Variants in THBD observed in about 807,000 individuals in gnomAD.
THBD encodes CD141 antigen.
For synonymous variants in THBD, 449 were observed against 374.2 expected, an observed-to-expected ratio of 1.20 and a Z score of -2.31; for missense variants, 850 against 816.9, an observed-to-expected ratio of 1.04 and a Z score of -0.49.
In THBD at chr20:23,047,552, C is replaced by T. The variant is rs1018980192; in HGVS notation, c.*225G>A. 5 of 604,148 alleles carry T rather than the reference C, an allele frequency of 8.3e-6. No individual in the cohort carries two copies. The highest frequency in any genetic ancestry group is 1.4e-5 in the Non-Finnish European group (5 of 346,412). 37.4% of individuals were successfully genotyped at this position (604,148 alleles called of 1,614,324 possible). A position where few individuals can be genotyped will look rare whatever the true frequency, so the allele number is the denominator to read the frequency against. On this transcript the variant is annotated 3_prime_UTR_variant, in exon 1 of 1. Coordinates refer to ENST00000377103, the MANE Select transcript of THBD (RefSeq NM_000361.3). Reference sequence around the variant, plus strand: ...AGTCTGTGTCTTCGTTACAAAATTGCCATCATTGCCCAGTGGTCCAGTGAC... The same window carrying T: ...AGTCTGTGTCTTCGTTACAAAATTGTCATCATTGCCCAGTGGTCCAGTGAC...
In THBD at chr20:23,047,665, T is replaced by C; in HGVS notation, c.*112A>G. 1 of 1,311,374 alleles carries C rather than the reference T, an allele frequency of 7.6e-7. No individual in the cohort carries two copies. The allele number at this position is 1,311,374 out of a possible 1,614,324, so 81.2% of individuals were successfully genotyped here. On this transcript the variant is annotated 3_prime_UTR_variant, in exon 1 of 1. Transcript: ENST00000377103. ...GAATAGAAGAAAACAGCTTGGGGGG[T>C]GCGGGGAGGGTCTTCTCCAGCTGTA... is the stretch of plus-strand genomic sequence containing the variant.
rs1212319549 is a variant in THBD at position 23,046,120 on chromosome 20, G to A, written c.*1657C>T. ...TATTTTGAGTTTACAAAATAGAAGA[G>A]GAAAACCTTTGTCTTACAAAAGTTA... is the stretch of plus-strand genomic sequence containing the variant. On this transcript the variant is annotated 3_prime_UTR_variant, in exon 1 of 1. Coordinates refer to ENST00000377103, the MANE Select transcript of THBD (RefSeq NM_000361.3). The A allele has an allele frequency of 6.6e-6, 1 of 152,436 alleles. No individual in the cohort carries two copies. Among genetic ancestry groups the A allele is most frequent in the Non-Finnish European group, 1.5e-5 (1 of 68,024 alleles). The allele number at this position is 152,436 out of a possible 1,614,324, so 9.4% of individuals were successfully genotyped here.
chr20:23,047,595 G>T lies in THBD; in HGVS notation c.*182C>A, dbSNP rs1984602468. The T allele has an allele frequency of 1.4e-6, 1 of 716,542 alleles. No individual in the cohort carries two copies. The highest frequency in any genetic ancestry group is 2.3e-6 in the Non-Finnish European group (1 of 443,732). The allele number at this position is 716,542 out of a possible 1,614,324, so 44.4% of individuals were successfully genotyped here. On this transcript the variant is annotated 3_prime_UTR_variant, in exon 1 of 1. Transcript: ENST00000377103. ...CCAGTGACGTCACGGAAGAGGCCGA[G>T]GCTCATTCTCCTCCCTCTAATCACC...
At position 23,048,254 on chromosome 20, in the gene THBD, G is replaced by A. The variant is rs1568665927; in HGVS notation, c.1251C>T (p.Cys417=). 1 of 1,613,974 alleles carries A rather than the reference G, an allele frequency of 6.2e-7. No individual in the cohort carries two copies. Among genetic ancestry groups the A allele is most frequent in the East Asian group, 2.2e-5 (1 of 44,880 alleles). Residue 417 remains cysteine (C), a synonymous_variant, in exon 1 of 1, where the codon TGC becomes TGT. Coordinates refer to ENST00000377103, the MANE Select transcript of THBD (RefSeq NM_000361.3). ...FCNQTACPAD[C]DPNTQASCEC... is the part of the protein sequence containing the mutation. ...CACAGCTAGCCTGGGTGTTGGGGTC[G>A]CAGTCGGCTGGACAGGCAGTCTGGT... is the stretch of plus-strand genomic sequence containing the variant.
chr20:23,048,532 C>T lies in THBD; in HGVS notation c.973G>A (p.Asp325Asn), dbSNP rs750473357. The T allele has an allele frequency of 1.9e-6, 3 of 1,602,608 alleles. No homozygotes were observed. Among genetic ancestry groups the T allele is most frequent in the Non-Finnish European group, 2.5e-6 (3 of 1,179,886 alleles). The change falls in exon 1 of 1, where the codon GAC (aspartate) becomes AAC (asparagine). Residue 325 changes from aspartate to asparagine, a missense_variant. Asp to Asn is a conservative substitution (Grantham distance 23). Transcript: ENST00000377103. Reference sequence around the variant, plus strand: ...GGCTCCAGTATGCAGTCATCCACGTCCTCGCACCGGTGTTGGTCGGCCGCC... The same window carrying T: ...GGCTCCAGTATGCAGTCATCCACGTTCTCGCACCGGTGTTGGTCGGCCGCC... Reference protein sequence around the residue: ...RLAADQHRCEDVDDCILEPSP... With the variant: ...RLAADQHRCENVDDCILEPSP...
chr20:23,046,055 G>A lies in THBD; in HGVS notation c.*1722C>T, dbSNP rs1327999917. ...TGTCATAAGCAAGGATTTTGCCTGTGTTCTAGATTATCTCCAATAAATAAA... is the reference window on the plus strand; with the variant it reads ...TGTCATAAGCAAGGATTTTGCCTGTATTCTAGATTATCTCCAATAAATAAA... On this transcript the variant is annotated 3_prime_UTR_variant, in exon 1 of 1. Transcript: ENST00000377103. 6.6e-6 allele frequency: 1 copy of A among 152,250 alleles called. No individual in the cohort carries two copies. The allele number at this position is 152,250 out of a possible 1,614,324, so 9.4% of individuals were successfully genotyped here.
chr20:23,047,963 A>G lies in THBD; in HGVS notation c.1542T>C (p.His514=). The G allele has an allele frequency of 6.2e-7, 1 of 1,609,726 alleles. No individual in the cohort carries two copies. The highest frequency in any genetic ancestry group is 8.5e-7 in the Non-Finnish European group (1 of 1,178,398). ...TGGAGATGCCTATGAGCAAGCCCGA[A>G]TGCACGAGCCCCACGGCCGGAGGAG... ...TLTPPAVGLV[H]SGLLIGISIA... is the part of the protein sequence containing the mutation. Residue 514 remains histidine (H), a synonymous_variant, in exon 1 of 1, where the codon CAT becomes CAC. Transcript: ENST00000377103.
chr20:23,046,632 C>T lies in THBD; in HGVS notation c.*1145G>A, dbSNP rs1439313810. Reference sequence around the variant, plus strand: ...GCATCCTCCAGGATCCATTCCCAAGCTCCCAATTCCACAAGACCAGTAGAG... The same window carrying T: ...GCATCCTCCAGGATCCATTCCCAAGTTCCCAATTCCACAAGACCAGTAGAG... On this transcript the variant is annotated 3_prime_UTR_variant, in exon 1 of 1. Coordinates refer to ENST00000377103, the MANE Select transcript of THBD (RefSeq NM_000361.3). 1 of 152,228 alleles carries T rather than the reference C, an allele frequency of 6.6e-6. No individual in the cohort carries two copies. The highest frequency in any genetic ancestry group is 2.4e-5 in the African/African-American group (1 of 41,458). 9.4% of individuals were successfully genotyped at this position (152,228 alleles called of 1,614,324 possible).
At position 23,049,326 on chromosome 20, in the gene THBD, A is replaced by G; in HGVS notation, c.179T>C (p.Met60Thr). The change falls in exon 1 of 1, where the codon ATG becomes ACG. Residue 60 changes from methionine (M) to threonine (T), a missense_variant. Physicochemically the swap from Met to Thr is moderately conservative, Grantham distance 81. Coordinates refer to ENST00000377103, the MANE Select transcript of THBD (RefSeq NM_000361.3). ...QICDGLRGHL[M>T]TVRSSVAADV... ...GGCAGCCACCGAGGAGCGCACTGTC[A>G]TTAGGTGGCCCCGCAGTCCGTCGCA... The G allele has an allele frequency of 6.3e-7, 1 of 1,599,796 alleles. No individual in the cohort carries two copies. The highest frequency in any genetic ancestry group is 1.7e-4 in the Middle Eastern group (1 of 5,830).
In THBD at chr20:23,047,135, A is replaced by G. The variant is rs1431931085; in HGVS notation, c.*642T>C. 1 of 152,270 alleles carries G rather than the reference A, an allele frequency of 6.6e-6. No individual in the cohort carries two copies. Among genetic ancestry groups the G allele is most frequent in the Non-Finnish European group, 1.5e-5 (1 of 68,068 alleles). 9.4% of individuals were successfully genotyped at this position (152,270 alleles called of 1,614,324 possible). A position where few individuals can be genotyped will look rare whatever the true frequency, so the allele number is the denominator to read the frequency against. ...TCATGTAGGGGTTCTGTCTGAGCAG[A>G]CAGCTAAGAGCAAAAGAAGTAGGGT... On this transcript the variant is annotated 3_prime_UTR_variant, in exon 1 of 1. Transcript: ENST00000377103.
rs767463897 is a variant in THBD at position 23,048,916 on chromosome 20, A to G, written c.589T>C (p.Phe197Leu). Reference sequence around the variant, plus strand: ...TGGAAGTCCGCTCCGCGGGCCGCGAACGGGGTGCCGTAGGTGATCGAGACG... The same window carrying G: ...TGGAAGTCCGCTCCGCGGGCCGCGAGCGGGGTGCCGTAGGTGATCGAGACG... Reference protein sequence around the residue: ...AAVSITYGTPFAARGADFQAL... With the variant: ...AAVSITYGTPLAARGADFQAL... The change falls in exon 1 of 1, where the codon TTC becomes CTC. Residue 197 changes from phenylalanine to leucine, a missense_variant. Phe to Leu is a conservative substitution (Grantham distance 22). Transcript: ENST00000377103. 4 of 1,526,836 alleles carry G rather than the reference A, an allele frequency of 2.6e-6. 1 individual carries two copies. The South Asian group carries it at 4.8e-5, about 18-fold the overall frequency. The allele number at this position is 1,526,836 out of a possible 1,614,324, so 94.6% of individuals were successfully genotyped here. A position where few individuals can be genotyped will look rare whatever the true frequency, so the allele number is the denominator to read the frequency against.
Position 23,047,817 on chromosome 20 carries a change from A to C in THBD, c.1688T>G (p.Leu563Arg). ...KCAAPSKEVV[L>R]QHVRTERTPQ... ...CGTCCGCTCGGTCCGCACGTGCTGC[A>C]GCACTACCTCCTTGGAAGGGGCCGC... is the stretch of plus-strand genomic sequence containing the variant. Residue 563 changes from leucine to arginine, a missense_variant, in exon 1 of 1, where the codon CTG becomes CGG. Coordinates refer to ENST00000377103, the MANE Select transcript of THBD (RefSeq NM_000361.3). 6.3e-7 allele frequency: 1 copy of C among 1,598,728 alleles called. No homozygotes were observed. The highest frequency in any genetic ancestry group is 8.5e-7 in the Non-Finnish European group (1 of 1,173,174).
At position 23,048,274 on chromosome 20, in the gene THBD, T is replaced by G. The variant is rs745694572; in HGVS notation, c.1231A>C (p.Thr411Pro). Residue 411 changes from threonine (T) to proline (P), a missense_variant, in exon 1 of 1, where the codon ACT (threonine) becomes CCT (proline). Transcript: ENST00000377103. ...GGGTCGCAGTCGGCTGGACAGGCAG[T>G]CTGGTTGCAAAACATCTGGCACCTG... ...PHRCQMFCNQ[T>P]ACPADCDPNT... The G allele has an allele frequency of 6.2e-7, 1 of 1,613,872 alleles. No homozygotes were observed.
At position 23,047,034 on chromosome 20, in the gene THBD, G is replaced by C. The variant is rs577992030; in HGVS notation, c.*743C>G. 6.6e-6 allele frequency: 1 copy of C among 152,334 alleles called. No individual in the cohort carries two copies. The highest frequency in any genetic ancestry group is 2.1e-4 in the South Asian group (1 of 4,824). The allele number at this position is 152,334 out of a possible 1,614,324, so 9.4% of individuals were successfully genotyped here. A position where few individuals can be genotyped will look rare whatever the true frequency, so the allele number is the denominator to read the frequency against. ...TAAAATTATTTTGCTCTGGGAATCT[G>C]AAATTTCAGGATAAATTAGCAAATC... On this transcript the variant is annotated 3_prime_UTR_variant, in exon 1 of 1. Transcript: ENST00000377103.
At position 23,046,793 on chromosome 20, in the gene THBD, T is replaced by C. The variant is rs1984583282; in HGVS notation, c.*984A>G. On this transcript the variant is annotated 3_prime_UTR_variant, in exon 1 of 1. Coordinates refer to ENST00000377103, the MANE Select transcript of THBD (RefSeq NM_000361.3). ...CTCTTCTCTCAATCTAGAGCAACCT[T>C]CTGAACATTTTCAACACTGTCAAAA... The C allele has an allele frequency of 6.6e-6, 1 of 152,226 alleles. No individual in the cohort carries two copies. The highest frequency in any genetic ancestry group is 2.4e-5 in the African/African-American group (1 of 41,454). The allele number at this position is 152,226 out of a possible 1,614,324, so 9.4% of individuals were successfully genotyped here.
In THBD at chr20:23,049,162, T is replaced by G; in HGVS notation, c.343A>C (p.Asn115His). The G allele has an allele frequency of 2.5e-6, 4 of 1,583,346 alleles. No homozygotes were observed. The highest frequency in any genetic ancestry group is 1.7e-6 in the Non-Finnish European group (2 of 1,165,196). ...LRGFQWVTGD[N>H]NTSYSRWARL... The stretch of plus-strand genomic sequence containing the variant: ...GCCCACCTGCTATAGCTGGTGTTGT[T>G]GTCTCCCGTAACCCACTGGAAGCCG... Residue 115 changes from asparagine (N) to histidine (H), a missense_variant, in exon 1 of 1, where the codon AAC becomes CAC. Physicochemically the swap from Asn to His is moderately conservative, Grantham distance 68. Coordinates refer to ENST00000377103, the MANE Select transcript of THBD (RefSeq NM_000361.3).
rs1483732340 is a variant in THBD, at chr20:23,048,404, G to A, written c.1101C>T (p.Asp367=). Residue 367 remains aspartate (D), a synonymous_variant, in exon 1 of 1, where the codon GAC becomes GAT. Coordinates refer to ENST00000377103, the MANE Select transcript of THBD (RefSeq NM_000361.3). ...LVDGECVEPV[D]PCFRANCEYQ... ...ACTCGCAGTTGGCTCTGAAGCACGGGTCCACGGGCTCCACACACTCGCCGT... is the reference window on the plus strand; with the variant it reads ...ACTCGCAGTTGGCTCTGAAGCACGGATCCACGGGCTCCACACACTCGCCGT... 4 of 1,614,006 alleles carry A rather than the reference G, an allele frequency of 2.5e-6. 1 individual carries two copies. The East Asian group carries it at 6.7e-5, about 27-fold the overall frequency.
chr20:23,048,830 G>A lies in THBD; in HGVS notation c.675C>T (p.Thr225=), dbSNP rs775568682. ...VAPLGLQLMC[T]APPGAVQGHW... ...GCCCCTGGACCGCTCCGGGCGGCGC[G>A]GTGCACATTAGCTGTAAGCCGAGGG... is the stretch of plus-strand genomic sequence containing the variant. Residue 225 remains threonine (T), a synonymous_variant, in exon 1 of 1, where the codon ACC becomes ACT. Coordinates refer to ENST00000377103, the MANE Select transcript of THBD (RefSeq NM_000361.3). 3.6e-5 allele frequency: 54 copies of A among 1,512,768 alleles called. No homozygotes were observed. The highest frequency in any genetic ancestry group is 5.6e-5 in the African/African-American group (4 of 71,984). 93.7% of individuals were successfully genotyped at this position (1,512,768 alleles called of 1,614,324 possible).
chr20:23,049,493 G>T lies in THBD; in HGVS notation c.12C>A (p.Val4=), dbSNP rs545878202. The change falls in exon 1 of 1, where the codon GTC becomes GTA. Residue 4 remains valine (V), a synonymous_variant. Coordinates refer to ENST00000377103, the MANE Select transcript of THBD (RefSeq NM_000361.3). ...CCAGGGCCAGCGCGCCAAGGACCAG[G>T]ACCCCAAGCATGTTACCCAGGCGCG... is the stretch of plus-strand genomic sequence containing the variant. MLG[V]LVLGALALAG... The T allele has an allele frequency of 1.9e-6, 3 of 1,539,098 alleles. No homozygotes were observed. Among genetic ancestry groups the T allele is most frequent in the Non-Finnish European group, 2.6e-6 (3 of 1,142,504 alleles).
Sources: gnomAD v4.1 joint callset for allele counts on GRCh38, gnomAD v4.1.1 for gene constraint, MANE v1.5 for transcripts, NCBI Gene and HGNC (gene_info 2026-07-23, HGNC 2026-07-21) for gene names.